PABPC4L: variants seen among roughly 807,000 people sequenced by gnomAD.
PABPC4L encodes poly(A) binding protein cytoplasmic 4 like, also known as polyadenylate-binding protein 4-like.
For synonymous variants in PABPC4L, 169 were observed against 164.1 expected (o/e 1.03, Z -0.23); for missense variants, 452 against 451.4 (o/e 1.00, Z -0.01).
the PABPC4L span, among the ~76,000 whole-genome samples, chr4:134,122,222 C>A: frequency 3.3e-5 from 5 of 151,732 alleles, no homozygotes; most frequent in Admixed American, 6.6e-5. Context: ...AATCAGCGTT[C>A]ATTTCAGTTT....
the PABPC4L span, among the ~76,000 whole-genome samples, chr4:134,014,662 C>T: frequency 3.3e-5 from 5 of 152,026 alleles, no homozygotes; most frequent in South Asian, 2.1e-4. Flanking sequence ...ACTGCCCGAT[C>T]GCCTCAGAAG....
chr4:133,993,602 C>T, the PABPC4L span, among the ~76,000 whole-genome samples: 281 of 152,218 alleles, frequency 1.8e-3, no homozygotes, highest in African/African-American at 6.4e-3. Flanking sequence ...AGGGTTAATA[C>T]CTGTTGAAGG....
the PABPC4L span, among the ~76,000 whole-genome samples, chr4:134,101,028 G>A: frequency 6.6e-6 from 1 of 151,312 alleles, no homozygotes; most frequent in Non-Finnish European, 1.5e-5. Flanking sequence ...GAAAACATTA[G>A]AAAATTAATA....
At chr4:134,106,741 T>C in the PABPC4L span, among the ~76,000 whole-genome samples, 6 of 151,606 alleles carry the variant, frequency 4.0e-5, no homozygotes, top group Admixed American at 2.6e-4. Context: ...ATGAGTCGCA[T>C]GCACTGAAAA....
chr4:133,992,321 G>A, the PABPC4L span, among the ~76,000 whole-genome samples: 5 of 152,184 alleles, frequency 3.3e-5, no homozygotes, highest in African/African-American at 1.2e-4. Flanking sequence ...ACATCCTTTT[G>A]CACAAGAAGG....
chr4:134,162,144 A>C, the PABPC4L span, among the ~76,000 whole-genome samples: 3 of 152,122 alleles, frequency 2.0e-5, no homozygotes. Flanking sequence ...AAACAAAGGA[A>C]GACAATAAGG....
the PABPC4L span, among the ~76,000 whole-genome samples, chr4:134,170,337 A>G: frequency 2.0e-5 from 3 of 152,206 alleles, no homozygotes; most frequent in African/African-American, 7.2e-5. Flanking sequence ...CCATGTATTT[A>G]GTTTTTATGA....
chr4:134,119,502 A>T, the PABPC4L span, among the ~76,000 whole-genome samples: 2 of 151,732 alleles, frequency 1.3e-5, no homozygotes, highest in Non-Finnish European at 3.0e-5. Context: ...TTTATTTTTT[A>T]TAAAATATTT....
the PABPC4L span, chr4:133,977,990 C>A: frequency 6.6e-6 from 1 of 152,146 alleles, no homozygotes; most frequent in South Asian, 2.1e-4. Flanking sequence ...GTAGTGTTAA[C>A]TCTTTTGGCA....
At chr4:134,072,828 G>T in the PABPC4L span, among the ~76,000 whole-genome samples, 2 of 152,044 alleles carry the variant, frequency 1.3e-5, no homozygotes, top group South Asian at 4.1e-4. Context: ...GATAGCTGAC[G>T]AGCACAAGGG....
At chr4:134,146,735 G>A in the PABPC4L span, among the ~76,000 whole-genome samples, 1 of 152,080 alleles carries the variant, frequency 6.6e-6, no homozygotes, top group Admixed American at 6.6e-5. Flanking sequence ...GTTTTTATGG[G>A]CTTAGAATAA....
At chr4:134,201,267 T>C in intron 1 of PABPC4L, 22 bp from the exon 2 acceptor site, 1 of 1,493,394 alleles carries the variant, frequency 6.7e-7, no homozygotes, top group Non-Finnish European at 9.0e-7. Context: ...CAAAGAGAGA[T>C]TATTAGGACA....
the PABPC4L span, among the ~76,000 whole-genome samples, chr4:134,159,852 G>A: frequency 1.3e-5 from 2 of 152,166 alleles, no homozygotes; most frequent in Admixed American, 6.5e-5. Context: ...ATTGCAGGAT[G>A]AGCAGCTCAC....
At chr4:134,173,677 T>A in the PABPC4L span, among the ~76,000 whole-genome samples, 1 of 152,084 alleles carries the variant, frequency 6.6e-6, no homozygotes, top group Non-Finnish European at 1.5e-5. Context: ...TAACAATTTA[T>A]TGTACATTTC....
chr4:134,015,664 T>A, the PABPC4L span, among the ~76,000 whole-genome samples: 3 of 152,030 alleles, frequency 2.0e-5, no homozygotes, highest in South Asian at 6.2e-4. Context: ...CTCCCAAACC[T>A]CAATCCCTTA....
At chr4:134,161,572 T>A in the PABPC4L span, among the ~76,000 whole-genome samples, 2,082 of 152,106 alleles carry the variant, frequency 0.014, 45 homozygotes, top group African/African-American at 0.047. Flanking sequence ...TCCAGCAAAA[T>A]TATCCTTCAA....
the PABPC4L span, among the ~76,000 whole-genome samples, chr4:133,995,215 A>C: frequency 4.6e-5 from 7 of 152,206 alleles, no homozygotes; most frequent in Non-Finnish European, 7.3e-5. Flanking sequence ...CAGCAGGGGC[A>C]TATAGAATGG....
At chr4:134,033,386 A>G in the PABPC4L span, among the ~76,000 whole-genome samples, 1 of 151,850 alleles carries the variant, frequency 6.6e-6, no homozygotes, top group Non-Finnish European at 1.5e-5. Context: ...ATAACCCTAT[A>G]ATGACATTTA....
the PABPC4L span, among the ~76,000 whole-genome samples, chr4:134,143,302 A>T: frequency 0.013 from 1,920 of 150,172 alleles, 43 homozygotes; most frequent in African/African-American, 0.041. Context: ...ATGTGTGTAC[A>T]TATGTAATAT....
Sources: allele counts gnomAD v4.1 joint callset (sites outside exome capture counted in the v4.1 genomes callset), GRCh38; gene constraint gnomAD v4.1.1; transcripts MANE v1.5; gene names NCBI Gene and HGNC (gene_info 2026-07-23, HGNC 2026-07-21).